The following PEX5 variants were observed in gnomAD, a reference collection of about 807,000 sequenced individuals.
The protein encoded by PEX5 is PTS1 receptor.
A neutral mutation model predicts 82.9 loss-of-function variants in PEX5; 52 were observed. The observed-to-expected ratio is 0.63, with a 90% CI of 0.50 to 0.79. The LOEUF is 0.79. Among genes scored for constraint, PEX5 ranks in the 30% least tolerant of loss-of-function variants. The pLI, the probability that PEX5 is intolerant of heterozygous loss-of-function variation, is 0.00. For synonymous variants in PEX5, 300 were observed against 318.8 expected (o/e 0.94, Z 0.63); for missense variants, 719 against 815.2 (o/e 0.88, Z 1.44).
rs757011810 is a variant in PEX5 at position 7,197,570 on chromosome 12, T to C, written c.449-1441T>C. Among the ~76,000 whole-genome samples the C allele has an allele frequency of 2.2e-5, 3 of 136,448 alleles. No homozygotes were observed. The East Asian group carries it at 6.2e-4, about 28-fold the overall frequency. The allele number at this position is 136,448 out of a possible 152,430, so 89.5% of individuals were successfully genotyped here. A position where few individuals can be genotyped will look rare whatever the true frequency, so the allele number is the denominator to read the frequency against. On this transcript the variant is annotated intron_variant, in intron 5 of 15. Coordinates refer to ENST00000675855, the MANE Select transcript of PEX5 (RefSeq NM_001351132.2). ...ATGTTATATATAATATAATAAGTAG[T>C]AATTACTTATTATTTATAATTAGGT...
At chr12:7,217,789 C>T (rs2136298831) in intron 17 of PEX5, among the ~76,000 whole-genome samples, 1 of 152,308 alleles carries the variant, frequency 6.6e-6, no homozygotes, top group Non-Finnish European at 1.5e-5. Flanking sequence ...ACTTAGGGGG[C>T]CAACAGGGAC....
In PEX5 at chr12:7,193,006, A is replaced by G. The variant is rs1178066744; in HGVS notation, c.448+1306A>G. 3.3e-5 allele frequency among the ~76,000 whole-genome samples: 5 copies of G among 152,330 alleles called. No homozygotes were observed. The East Asian group carries it at 9.6e-4, about 29-fold the overall frequency. On this transcript the variant is annotated intron_variant, in intron 5 of 15. Coordinates refer to ENST00000675855, the MANE Select transcript of PEX5 (RefSeq NM_001351132.2). ...TTTATCACGTGTCTCTTTCCCACCC[A>G]TAAGTTGGAGTTAAGGTAGAACAGT...
chr12:7,216,596 G>A (rs1945788358), intron 17 of PEX5, among the ~76,000 whole-genome samples: 1 of 151,888 alleles, frequency 6.6e-6, no homozygotes, highest in Non-Finnish European at 1.5e-5. Flanking sequence ...AAGATCTTAG[G>A]ACAAAAAGGT....
chr12:7,197,039 CAT>C (rs1942540045), intron 5 of PEX5, among the ~76,000 whole-genome samples: 1 of 24,928 alleles, frequency 4.0e-5, no homozygotes, highest in Non-Finnish European at 1.1e-4. Flanking sequence ...ATATATGTCA[CAT>C]ATAATGTAAT....
rs747851265 is a variant in PEX5 at position 7,191,273 on chromosome 12, T to C, written c.231T>C (p.Arg77=). 8.1e-6 allele frequency: 13 copies of C among 1,614,050 alleles called. No individual in the cohort carries two copies. Among genetic ancestry groups the C allele is most frequent in the African/African-American group, 1.3e-5 (1 of 74,916 alleles). ...ACCAGAATGCACCCCTTGTGTCCCG[T>C]GCCCCTCAGACCTTCAAGATGGATG... ...LQDQNAPLVS[R]APQTFKMDDL... The change falls in exon 4 of 16, where the codon CGT becomes CGC. Residue 77 remains arginine, a synonymous_variant. Transcript: ENST00000675855.
At chr12:7,209,868 A>C (rs757432214) in intron 15 of PEX5, 28 bp downstream of exon 15, 3 of 1,613,672 alleles carry the variant, frequency 1.9e-6, no homozygotes, top group South Asian at 2.2e-5. Context: ...GAAATGAATG[A>C]ATGAGCTTTT....
intron 5 of PEX5, among the ~76,000 whole-genome samples, chr12:7,196,481 C>G: frequency 8.8e-6 from 1 of 114,058 alleles, no homozygotes; most frequent in Non-Finnish European, 1.9e-5. Context: ...ATAATTACAT[C>G]ATATATAATG....
Position 7,202,631 on chromosome 12 carries a change from T to C in PEX5, c.773T>C (p.Val258Ala). ...TCGCAGGGTACATCAGATGCCTGGG[T>C]TGACCAGTTCACAAGACCAGTAAAC... ...IQQQGTSDAWVDQFTRPVNTS... is the reference protein window; with the variant it reads ...IQQQGTSDAWADQFTRPVNTS... The change falls in exon 9 of 16, where the codon GTT becomes GCT. Residue 258 changes from valine (V) to alanine (A), a missense_variant. Val to Ala is a moderately conservative substitution (Grantham distance 64, BLOSUM62 0). Coordinates refer to ENST00000675855, the MANE Select transcript of PEX5 (RefSeq NM_001351132.2). 6.2e-7 allele frequency: 1 copy of C among 1,614,040 alleles called. No individual in the cohort carries two copies. Among genetic ancestry groups the C allele is most frequent in the Non-Finnish European group, 8.5e-7 (1 of 1,179,966 alleles).
chr12:7,217,870 C>A (rs755607214), intron 17 of PEX5, among the ~76,000 whole-genome samples: 1 of 152,190 alleles, frequency 6.6e-6, no homozygotes, highest in Non-Finnish European at 1.5e-5. Flanking sequence ...CTGAGTTGTA[C>A]GGGCTGCACT....
intron 1 of PEX5, 117 bp downstream of exon 1, chr12:7,189,867 G>A: frequency 1.5e-6 from 2 of 1,337,660 alleles, no homozygotes; most frequent in South Asian, 1.8e-5. Context: ...GGGGAGATGG[G>A]CGGTGGGGAG....
Position 7,190,354 on chromosome 12 carries a change from T to G in PEX5, c.-16-8T>G. 1 of 1,613,950 alleles carries G rather than the reference T, an allele frequency of 6.2e-7. No homozygotes were observed. The highest frequency in any genetic ancestry group is 8.5e-7 in the Non-Finnish European group (1 of 1,179,928). ...GTACCTCAGTTCCAAACCTCCTGTG[T>G]CCATCAGAGAGCTGGCGGTCACCAT... On this transcript the variant is annotated splice_polypyrimidine_tract_variant and splice_region_variant and intron_variant, in intron 1 of 15. Transcript: ENST00000675855.
intron 5 of PEX5, among the ~76,000 whole-genome samples, chr12:7,197,338 T>TTA (rs1337271522): frequency 2.1e-5 from 2 of 94,262 alleles, no homozygotes; most frequent in Admixed American, 9.7e-5. Flanking sequence ...AATGTAATAA[T>TTA]TATATATGTC....
intron 8 of PEX5, 116 bp downstream of exon 8, chr12:7,202,467 TC>T: frequency 1.4e-6 from 2 of 1,444,900 alleles, no homozygotes; most frequent in Non-Finnish European, 1.9e-6. Flanking sequence ...CTTGATAGCA[TC>T]CAGGTCCCAA....
chr12:7,193,496 C>T (rs1325574566), intron 5 of PEX5, among the ~76,000 whole-genome samples: 1 of 152,166 alleles, frequency 6.6e-6, no homozygotes, highest in Non-Finnish European at 1.5e-5. Flanking sequence ...TCCCAAAGTG[C>T]TGGGATTACA....
In PEX5 at chr12:7,200,626, G is replaced by T. The variant is rs370985381; in HGVS notation, c.552-1125G>T. Among the ~76,000 whole-genome samples the T allele has an allele frequency of 5.9e-5, 9 of 152,000 alleles. No homozygotes were observed. The East Asian group carries it at 1.4e-3, about 23-fold the overall frequency. On this transcript the variant is annotated intron_variant, in intron 6 of 15. Transcript: ENST00000675855. ...TTGAGCACTGAGTGAACGAGACTCC[G>T]TCTGCAATCCCGGCACCTCGGGAGG... is the stretch of plus-strand genomic sequence containing the variant.
chr12:7,193,937 T>C (rs1177930105), intron 5 of PEX5, among the ~76,000 whole-genome samples: 1 of 152,154 alleles, frequency 6.6e-6, no homozygotes, highest in Non-Finnish European at 1.5e-5. Context: ...AGAATGGGAG[T>C]TGAGCTGTTT....
downstream of PEX5, among the ~76,000 whole-genome samples, chr12:7,212,481 A>AC (rs1190515804): frequency 1.5e-5 from 1 of 65,608 alleles, no homozygotes; most frequent in Admixed American, 2.0e-4. Context: ...AAAAAAAAAA[A>AC]AAAAAAACCC....
chr12:7,198,029 C>T (rs1006774115), intron 5 of PEX5, among the ~76,000 whole-genome samples: 2 of 151,884 alleles, frequency 1.3e-5, no homozygotes, highest in Non-Finnish European at 2.9e-5. Flanking sequence ...CTTTAGTGCC[C>T]GCAGTCAGTC....
At chr12:7,199,425 T>G (rs867879402) in intron 6 of PEX5, among the ~76,000 whole-genome samples, 1 of 148,812 alleles carries the variant, frequency 6.7e-6, no homozygotes, top group Non-Finnish European at 1.5e-5. Flanking sequence ...CATGCTGCCT[T>G]CAAGCATCTG....
Sources: gnomAD v4.1 joint callset for allele counts (sites outside exome capture counted in the v4.1 genomes callset) on GRCh38, gnomAD v4.1.1 for gene constraint, MANE v1.5 for transcripts, NCBI Gene and HGNC (gene_info 2026-07-23, HGNC 2026-07-21) for gene names.